TULP4: variants seen among roughly 807,000 people sequenced by gnomAD.
The protein encoded by TULP4 is TUB like protein 4.
A neutral mutation model predicts 129.0 loss-of-function variants in TULP4; 16 were observed. The observed-to-expected ratio is 0.12, with a 90% CI of 0.08 to 0.19. The LOEUF (loss-of-function observed/expected upper bound fraction) is 0.19. Among genes scored for constraint, TULP4 ranks in the 10% least tolerant of loss-of-function variants. TULP4 has a pLI of 1.00. For synonymous variants in TULP4, 998 were observed against 854.0 expected, an observed-to-expected ratio of 1.17 and a Z score of -2.94; for missense variants, 1,842 against 2,059.1, an observed-to-expected ratio of 0.89 and a Z score of 2.04.
chr6:158,244,714 G>A (rs1171656258), intron 1 of TULP4, among the ~76,000 whole-genome samples: 2 of 152,122 alleles, frequency 1.3e-5, no homozygotes, highest in African/African-American at 4.8e-5. Flanking sequence ...TGTTGTGGCC[G>A]GGCATGGTGG....
chr6:158,473,975 A>G (rs891189733), intron 6 of TULP4, among the ~76,000 whole-genome samples: 1 of 151,972 alleles, frequency 6.6e-6, no homozygotes, highest in Non-Finnish European at 1.5e-5. Flanking sequence ...GCACCACCAC[A>G]CCCAGCTAAT....
chr6:158,242,427 CTT>C (rs1777941459), intron 1 of TULP4: 1 of 1,121,882 alleles, frequency 8.9e-7, no homozygotes, highest in Non-Finnish European at 1.4e-6. Flanking sequence ...GACGAGATCT[CTT>C]TATGCCACTA....
At chr6:158,438,366 A>T (rs1778797065) in intron 3 of TULP4, among the ~76,000 whole-genome samples, 1 of 152,006 alleles carries the variant, frequency 6.6e-6, no homozygotes, top group African/African-American at 2.4e-5. Flanking sequence ...CCTTACTTGG[A>T]GGGAGGTTCT....
chr6:158,465,695 GT>G (rs1779541519), intron 6 of TULP4, among the ~76,000 whole-genome samples: 1 of 152,204 alleles, frequency 6.6e-6, no homozygotes, highest in South Asian at 2.1e-4. Context: ...TCCTGAGAAA[GT>G]GCGCCCGAAG....
chr6:158,278,568 A>AT (rs1778686545), upstream of TULP4, among the ~76,000 whole-genome samples: 2 of 152,156 alleles, frequency 1.3e-5, no homozygotes, highest in South Asian at 4.1e-4. Context: ...GTTAACTTTG[A>AT]TAATTCTTTT....
chr6:158,454,734 T>C (rs1779254419), intron 5 of TULP4, among the ~76,000 whole-genome samples: 2 of 152,092 alleles, frequency 1.3e-5, no homozygotes, highest in Non-Finnish European at 2.9e-5. Flanking sequence ...GCCTCCCTAG[T>C]AGCTGGGATT....
intron 6 of TULP4, among the ~76,000 whole-genome samples, chr6:158,476,621 C>T (rs1779827024): frequency 6.6e-6 from 1 of 152,190 alleles, no homozygotes; most frequent in Non-Finnish European, 1.5e-5. Context: ...TGTGGGCTCT[C>T]TTCTGCTGTG....
At chr6:158,391,956 T>G (rs827973) in intron 1 of TULP4, among the ~76,000 whole-genome samples, 106,399 of 152,066 alleles carry the variant, frequency 0.7, 37,838 homozygotes, top group Middle Eastern at 0.76. Flanking sequence ...GTAAATAATG[T>G]TAAATGTTAT....
chr6:158,474,533 C>T (rs151076153), intron 6 of TULP4, among the ~76,000 whole-genome samples: 3 of 152,322 alleles, frequency 2.0e-5, no homozygotes, highest in Non-Finnish European at 2.9e-5. Flanking sequence ...GGCCTCTGCT[C>T]AAACCACCTC....
At chr6:158,300,789 G>T (rs1779117435) in intron 1 of TULP4, among the ~76,000 whole-genome samples, 1 of 152,206 alleles carries the variant, frequency 6.6e-6, no homozygotes, top group Non-Finnish European at 1.5e-5. Flanking sequence ...TAGGAGTTAG[G>T]TCTCTGGGAT....
chr6:158,339,408 G>A (rs965650061), intron 1 of TULP4, among the ~76,000 whole-genome samples: 7 of 152,182 alleles, frequency 4.6e-5, no homozygotes, highest in Admixed American at 4.6e-4. Context: ...TGCACACATT[G>A]TCAGCGTTCA....
intron 1 of TULP4, among the ~76,000 whole-genome samples, chr6:158,277,170 G>A (rs1778662601): frequency 6.6e-6 from 1 of 152,030 alleles, no homozygotes; most frequent in African/African-American, 2.4e-5. Context: ...CAAACTCCTG[G>A]GCTCAAGCAA....
Position 158,413,134 on chromosome 6 carries a change from G to A in TULP4, c.322G>A (p.Val108Met). The change falls in exon 2 of 14, where the codon GTG (valine) becomes ATG (methionine). Residue 108 changes from valine (V) to methionine (M), a missense_variant. This residue lies in a region of TULP4 where 151 missense variants were observed against 268.7 expected (regional missense o/e 0.56). Coordinates refer to ENST00000367097, the MANE Select transcript of TULP4 (RefSeq NM_020245.5). The surrounding 1 kb of genome is among the most constrained non-coding windows in gnomAD (Gnocchi z 4.9). ...GTGCGATGCGGACGGAGGCATATTC[G>A]TGTGGATTCAGTACGAGGGCAGGTG... is the stretch of plus-strand genomic sequence containing the variant. Reference protein sequence around the residue: ...ATCDADGGIFVWIQYEGRWSV... With the variant: ...ATCDADGGIFMWIQYEGRWSV... 3 of 1,613,936 alleles carry A rather than the reference G, an allele frequency of 1.9e-6. No individual in the cohort carries two copies. The highest frequency in any genetic ancestry group is 1.7e-6 in the Non-Finnish European group (2 of 1,179,852).
chr6:158,345,475 C>T (rs1780280154), intron 1 of TULP4, among the ~76,000 whole-genome samples: 1 of 152,122 alleles, frequency 6.6e-6, no homozygotes, highest in East Asian at 1.9e-4. Context: ...ATAAAGAGTA[C>T]AAAGAGAGGA....
At chr6:158,243,006 C>T (rs1777953078) in intron 1 of TULP4, among the ~76,000 whole-genome samples, 1 of 152,168 alleles carries the variant, frequency 6.6e-6, no homozygotes, top group Non-Finnish European at 1.5e-5. Flanking sequence ...CTAGGCTGGT[C>T]TCGAACTCCT....
intron 1 of TULP4, among the ~76,000 whole-genome samples, chr6:158,405,676 G>GT (rs1444547866): frequency 6.6e-6 from 1 of 152,116 alleles, no homozygotes; most frequent in African/African-American, 2.4e-5. Flanking sequence ...GCCACAAGGG[G>GT]TTTTTATGCC....
chr6:158,415,735 C>A (rs1778195355), intron 2 of TULP4, among the ~76,000 whole-genome samples: 1 of 151,430 alleles, frequency 6.6e-6, no homozygotes, highest in African/African-American at 2.4e-5. Context: ...CTGAAGAAGG[C>A]ATTGTTATCA....
intron 1 of TULP4, among the ~76,000 whole-genome samples, chr6:158,257,145 T>C (rs1778261271): frequency 6.6e-6 from 1 of 152,142 alleles, no homozygotes; most frequent in African/African-American, 2.4e-5. Context: ...GAGTGAGTTT[T>C]TGTTGTTACT....
chr6:158,325,430 G>T (rs907762129), intron 1 of TULP4, among the ~76,000 whole-genome samples: 4 of 147,180 alleles, frequency 2.7e-5, no homozygotes, highest in Non-Finnish European at 5.9e-5. Flanking sequence ...TCGGCTCACT[G>T]CAAGCTCTGC....
Sources: allele counts gnomAD v4.1 joint callset (sites outside exome capture counted in the v4.1 genomes callset), GRCh38; gene constraint gnomAD v4.1.1; regional missense constraint gnomAD v4.1.1; non-coding constraint Gnocchi (gnomAD v3.1); transcripts MANE v1.5; gene names NCBI Gene and HGNC (gene_info 2026-07-23, HGNC 2026-07-21).